ADAMTS9: variants seen among roughly 807,000 people sequenced by gnomAD.
The protein encoded by ADAMTS9 is ADAM metallopeptidase with thrombospondin type 1 motif 9.
Under a neutral mutation model 257.1 loss-of-function variants are expected in ADAMTS9, and 107 were observed. The observed-to-expected ratio is 0.42, with a 90% confidence interval of 0.36 to 0.49. The LOEUF (loss-of-function observed/expected upper bound fraction) is 0.49, where lower values mean the gene tolerates loss of function less well. ADAMTS9 is among the 20% of genes least tolerant of loss of function. ADAMTS9 has a pLI of 0.03. For missense variants in ADAMTS9, 2,353 were observed against 2,469.1 expected, an observed-to-expected ratio of 0.95 and a Z score of 1.00; for synonymous variants, 982 against 880.9, an observed-to-expected ratio of 1.11 and a Z score of -2.03.
intron 10 of ADAMTS9, among the ~76,000 whole-genome samples, chr3:64,649,271 T>G (rs1700872057): frequency 6.6e-6 from 1 of 152,088 alleles, no homozygotes; most frequent in South Asian, 2.1e-4. Flanking sequence ...ATAATTTAGG[T>G]CACCTGGACA....
chr3:64,540,898 A>AACAAAAGAG (rs1366477438), intron 36 of ADAMTS9, among the ~76,000 whole-genome samples, 197 bp downstream of exon 36: 4 of 152,218 alleles, frequency 2.6e-5, no homozygotes, highest in African/African-American at 9.6e-5. Flanking sequence ...TACAGCAGTG[A>AACAAAAGAG]ACAAAAGAGA....
At chr3:64,682,679 G>T (rs112035733) in intron 2 of ADAMTS9, among the ~76,000 whole-genome samples, 1 of 152,294 alleles carries the variant, frequency 6.6e-6, no homozygotes, top group African/African-American at 2.4e-5. Context: ...AGCTGCATCC[G>T]CATCAGCATC....
intron 10 of ADAMTS9, 25 bp from the exon 11 acceptor site, chr3:64,648,069 T>C (rs1700840800): frequency 1.9e-6 from 3 of 1,586,160 alleles, no homozygotes; most frequent in Non-Finnish European, 2.6e-6. Context: ...GAAATGGCAA[T>C]TGAGTGACAA....
intron 37 of ADAMTS9, among the ~76,000 whole-genome samples, 168 bp downstream of exon 37, chr3:64,539,035 T>A (rs2083088082): frequency 6.6e-6 from 1 of 152,168 alleles, no homozygotes; most frequent in African/African-American, 2.4e-5. Context: ...AGGAGCTGAA[T>A]TACGAGATTA....
chr3:64,598,567 G>A (rs1231882054), intron 26 of ADAMTS9, among the ~76,000 whole-genome samples: 2 of 151,986 alleles, frequency 1.3e-5, no homozygotes, highest in South Asian at 4.2e-4. Context: ...CAATCCTCCT[G>A]TCTTAGCCTC....
intron 32 of ADAMTS9, among the ~76,000 whole-genome samples, chr3:64,543,126 A>T (rs1459528561): frequency 2.0e-5 from 3 of 152,218 alleles, no homozygotes; most frequent in Admixed American, 6.5e-5. Context: ...AATAATTAAT[A>T]GCCTACCAAC....
At chr3:64,629,064 C>A (rs920170517) in intron 16 of ADAMTS9, among the ~76,000 whole-genome samples, 6 of 152,156 alleles carry the variant, frequency 3.9e-5, no homozygotes, top group African/African-American at 1.4e-4. Context: ...TTAACTCACA[C>A]ACTATGTTCA....
intron 3 of ADAMTS9, among the ~76,000 whole-genome samples, chr3:64,668,744 G>A (rs764106550): frequency 6.6e-6 from 1 of 152,146 alleles, no homozygotes; most frequent in Non-Finnish European, 1.5e-5. Context: ...CAGGCCTGCC[G>A]CTGGGATCTG....
intron 29 of ADAMTS9, among the ~76,000 whole-genome samples, chr3:64,561,955 A>G (rs1256244703): frequency 6.6e-6 from 1 of 152,160 alleles, no homozygotes; most frequent in Non-Finnish European, 1.5e-5. Flanking sequence ...TCCACGCTGG[A>G]GAGTGAGGAA....
chr3:64,568,488 G>A lies in ADAMTS9; in HGVS notation c.4404C>T (p.Cys1468=), dbSNP rs774525007. 2 of 1,614,088 alleles carry A rather than the reference G, an allele frequency of 1.2e-6. No homozygotes were observed. The highest frequency in any genetic ancestry group is 3.3e-5 in the Admixed American group (2 of 60,016). ...CTAAATGGCTTCCATCTTTTGCCATGCAGTAAACATTTCGTTGTTTATGCC... is the reference window on the plus strand; with the variant it reads ...CTAAATGGCTTCCATCTTTTGCCATACAGTAAACATTTCGTTGTTTATGCC... ...GRGHKQRNVY[C]MAKDGSHLES... Residue 1468 remains cysteine (C), a synonymous_variant, in exon 29 of 40, where the codon TGC becomes TGT. Coordinates refer to ENST00000498707, the MANE Select transcript of ADAMTS9 (RefSeq NM_182920.2).
At chr3:64,532,488 T>C (rs1046286985) in intron 38 of ADAMTS9, among the ~76,000 whole-genome samples, 3 of 152,144 alleles carry the variant, frequency 2.0e-5, no homozygotes, top group African/African-American at 7.2e-5. Flanking sequence ...AGTGGAACCG[T>C]CGTAAGTCAG....
chr3:64,653,885 G>T (rs1362332964), intron 8 of ADAMTS9, among the ~76,000 whole-genome samples: 2 of 152,198 alleles, frequency 1.3e-5, no homozygotes, highest in African/African-American at 4.8e-5. Flanking sequence ...ACTGTTCCCA[G>T]TGCTAAATAT....
rs116211960 is a variant in ADAMTS9, at chr3:64,666,339, T to C, written c.680-7548A>G. On this transcript the variant is annotated intron_variant, in intron 3 of 39. Coordinates refer to ENST00000498707, the MANE Select transcript of ADAMTS9 (RefSeq NM_182920.2). ...CATTAACAGTTGGAAAGTTAATTAT[T>C]GCTCTCTATTTTGTAAGGTTTATCA... is the stretch of plus-strand genomic sequence containing the variant. Among the ~76,000 whole-genome samples, 298 of 152,338 alleles carry C rather than the reference T, an allele frequency of 2.0e-3. 2 individuals carry two copies. Among genetic ancestry groups the C allele is most frequent in the African/African-American group, 7.0e-3 (289 of 41,582 alleles).
chr3:64,580,501 A>G (rs2083971657), intron 28 of ADAMTS9, among the ~76,000 whole-genome samples: 1 of 152,202 alleles, frequency 6.6e-6, no homozygotes, highest in South Asian at 2.1e-4. Context: ...GGCCGTGTCC[A>G]GAAAGACCAA....
chr3:64,548,567 G>A (rs546328851), intron 31 of ADAMTS9, among the ~76,000 whole-genome samples: 1 of 148,834 alleles, frequency 6.7e-6, no homozygotes, highest in South Asian at 2.3e-4. Context: ...TACAAACCAG[G>A]AGCAAAAGTC....
In ADAMTS9 at chr3:64,596,889, C is replaced by T; in HGVS notation, c.4120G>A (p.Glu1374Lys). The T allele has an allele frequency of 1.2e-6, 2 of 1,614,070 alleles. No individual in the cohort carries two copies. The highest frequency in any genetic ancestry group is 1.7e-6 in the Non-Finnish European group (2 of 1,179,988). ...GGGCCGGATTCACAGGCTCTTTGCTCATCAGGTTTTATTCTCTCCACACAG... is the reference window on the plus strand; with the variant it reads ...GGGCCGGATTCACAGGCTCTTTGCTTATCAGGTTTTATTCTCTCCACACAG... ...NDCVERIKPD[E>K]QRACESGPCP... Residue 1374 changes from glutamate (E) to lysine (K), a missense_variant, in exon 27 of 40, where the codon GAG becomes AAG. Glu to Lys is a moderately conservative substitution (Grantham distance 56). Transcript: ENST00000498707.
intron 37 of ADAMTS9, among the ~76,000 whole-genome samples, chr3:64,535,224 C>T (rs943750197): frequency 1.3e-5 from 2 of 151,960 alleles, no homozygotes; most frequent in African/African-American, 4.8e-5. Context: ...TCTAAGAATA[C>T]AAAAATTAGC....
chr3:64,634,397 C>A (rs2106900477), intron 12 of ADAMTS9, among the ~76,000 whole-genome samples: 1 of 152,298 alleles, frequency 6.6e-6, no homozygotes, highest in South Asian at 2.1e-4. Context: ...CTCCCTCTCT[C>A]CAGACAACCA....
intron 19 of ADAMTS9, among the ~76,000 whole-genome samples, chr3:64,618,426 C>T (rs1700019675): frequency 6.6e-6 from 1 of 152,086 alleles, no homozygotes; most frequent in African/African-American, 2.4e-5. Flanking sequence ...TGCTAGCATA[C>T]CTACTATATG....
Sources: allele counts gnomAD v4.1 joint callset (sites outside exome capture counted in the v4.1 genomes callset), GRCh38; gene constraint gnomAD v4.1.1; transcripts MANE v1.5; gene names NCBI Gene and HGNC (gene_info 2026-07-23, HGNC 2026-07-21).